CNBD1: variants seen among roughly 807,000 people sequenced by gnomAD.
The protein encoded by CNBD1 is cyclic nucleotide binding domain containing 1.
In CNBD1, 71 loss-of-function variants were observed where a neutral mutation model predicts 54.4. That is an observed-to-expected ratio of 1.30 (90% CI 1.08 to 1.59). The LOEUF (loss-of-function observed/expected upper bound fraction) is 1.59, where lower values mean the gene tolerates loss of function less well. CNBD1 is among the 40% of genes most tolerant of loss of function. CNBD1 has a pLI of 0.00. For missense variants in CNBD1, 659 were observed against 518.0 expected (o/e 1.27, Z -2.64); for synonymous variants, 182 against 170.7 (o/e 1.07, Z -0.51).
Position 87,248,404 on chromosome 8 carries a change from G to A in CNBD1, c.771+11292G>A, listed in dbSNP as rs543425507. On this transcript the variant is annotated intron_variant, in intron 6 of 10. Coordinates refer to ENST00000518476, the MANE Select transcript of CNBD1 (RefSeq NM_173538.3). ...AGTAGTAAAAGACTTCCTAGCTTTAGCAATGCAGTTAGCCACTAAGAATGA... is the reference window on the plus strand; with the variant it reads ...AGTAGTAAAAGACTTCCTAGCTTTAACAATGCAGTTAGCCACTAAGAATGA... Among the ~76,000 whole-genome samples the A allele has an allele frequency of 8.1e-4, 124 of 152,320 alleles. 1 individual carries two copies. The highest frequency in any genetic ancestry group is 2.9e-3 in the African/African-American group (121 of 41,568).
intron 1 of CNBD1, among the ~76,000 whole-genome samples, chr8:86,877,598 A>G (rs533131814): frequency 3.9e-5 from 6 of 152,236 alleles, no homozygotes; most frequent in African/African-American, 1.4e-4. Flanking sequence ...ATAATTCTTT[A>G]TCTTTGAAAT....
At chr8:86,931,784 T>C (rs1809461938) in intron 3 of CNBD1, among the ~76,000 whole-genome samples, 2 of 152,170 alleles carry the variant, frequency 1.3e-5, no homozygotes, top group African/African-American at 4.8e-5. Flanking sequence ...TCTTTTAGGA[T>C]CAATTGACCC....
chr8:87,231,682 A>G (rs1168063404), intron 5 of CNBD1, among the ~76,000 whole-genome samples: 26 of 152,130 alleles, frequency 1.7e-4, no homozygotes, highest in Admixed American at 1.7e-3. Context: ...CTTCCATTTA[A>G]TTGACATATC....
At chr8:86,998,277 A>C (rs776143405) in intron 4 of CNBD1, among the ~76,000 whole-genome samples, 4 of 151,748 alleles carry the variant, frequency 2.6e-5, no homozygotes, top group Non-Finnish European at 1.5e-5. Context: ...ACCATAATTC[A>C]TGCCTGAATT....
chr8:87,298,347 G>A (rs377494814), intron 8 of CNBD1, among the ~76,000 whole-genome samples: 33 of 151,968 alleles, frequency 2.2e-4, no homozygotes, highest in Admixed American at 1.2e-3. Context: ...GGCAAAGCGC[G>A]ATGGAAGACT....
chr8:87,061,935 G>A (rs1356296533), intron 4 of CNBD1, among the ~76,000 whole-genome samples: 2 of 152,188 alleles, frequency 1.3e-5, no homozygotes, highest in African/African-American at 2.4e-5. Context: ...AGCCAATGAA[G>A]TGATCAATGC....
chr8:87,006,326 G>T (rs138440579), intron 4 of CNBD1, among the ~76,000 whole-genome samples: 1 of 152,232 alleles, frequency 6.6e-6, no homozygotes, highest in African/African-American at 2.4e-5. Context: ...GGCATCACTT[G>T]CCCCAATTTC....
Position 87,286,590 on chromosome 8 carries a change from C to T in CNBD1, c.961C>T (p.Pro321Ser), listed in dbSNP as rs769372037. 6.1e-6 allele frequency: 9 copies of T among 1,480,494 alleles called. No individual in the cohort carries two copies. In the South Asian group the frequency reaches 1.1e-4, roughly 18 times the overall value. The allele number at this position is 1,480,494 out of a possible 1,614,324, so 91.7% of individuals were successfully genotyped here. A position where few individuals can be genotyped will look rare whatever the true frequency, so the allele number is the denominator to read the frequency against. The change falls in exon 8 of 11, where the codon CCT becomes TCT. Residue 321 changes from proline (P) to serine (S), a missense_variant. By Grantham distance (74) the Pro-to-Ser change is moderately conservative. Transcript: ENST00000518476. ...AAAGTTGAAATTAATCCGTATGTGT[C>T]CTTATTATGAGGAATGGCCTACTTT... ...MQKLKLIRMC[P>S]YYEEWPTLSI...
At chr8:87,396,493 G>A (rs1202987626) in intron 2 of CNBD1, among the ~76,000 whole-genome samples, 2 of 151,750 alleles carry the variant, frequency 1.3e-5, no homozygotes, top group South Asian at 2.1e-4. Context: ...TACTTCATTG[G>A]TAAGTCTTCC....
intron 6 of CNBD1, among the ~76,000 whole-genome samples, chr8:87,270,872 T>G (rs1034384154): frequency 1.5e-4 from 23 of 151,938 alleles, no homozygotes; most frequent in African/African-American, 5.3e-4. Context: ...AAATTTTTGT[T>G]AGAATACAGC....
intron 3 of CNBD1, among the ~76,000 whole-genome samples, chr8:86,929,979 G>C (rs1054388098): frequency 5.3e-5 from 8 of 152,162 alleles, no homozygotes; most frequent in Admixed American, 4.6e-4. Context: ...GTTTTGTCCT[G>C]TGGGAAGGCT....
intron 6 of CNBD1, among the ~76,000 whole-genome samples, chr8:87,242,358 T>C (rs1485072538): frequency 6.6e-6 from 1 of 152,164 alleles, no homozygotes; most frequent in Non-Finnish European, 1.5e-5. Flanking sequence ...ATATGAAACA[T>C]TTACAATCTA....
rs1473003305 is a variant in CNBD1, at chr8:87,325,678, A to G, written c.1043-26007A>G. On this transcript the variant is annotated intron_variant, in intron 8 of 10. Coordinates refer to ENST00000518476, the MANE Select transcript of CNBD1 (RefSeq NM_173538.3). ...TTGGTAGATCTTCCTCCATCCTTTT[A>G]TTTTGAGCCCATGTGTGTCTCTGCA... Among the ~76,000 whole-genome samples the G allele has an allele frequency of 2.2e-5, 3 of 138,472 alleles. 1 individual carries two copies. Among genetic ancestry groups the G allele is most frequent in the Non-Finnish European group, 4.7e-5 (3 of 64,050 alleles). The allele number at this position is 138,472 out of a possible 152,430, so 90.8% of individuals were successfully genotyped here.
chr8:87,339,698 T>G (rs1053478598), intron 8 of CNBD1, among the ~76,000 whole-genome samples: 2 of 152,102 alleles, frequency 1.3e-5, no homozygotes. Context: ...CCTTTTTTCC[T>G]TTGGTTACTG....
chr8:87,068,824 A>T (rs1810705776), intron 4 of CNBD1, among the ~76,000 whole-genome samples: 1 of 152,008 alleles, frequency 6.6e-6, no homozygotes. Context: ...CTCTCAGCCA[A>T]GAGGGAAGTG....
chr8:86,968,595 C>T (rs1808146834), intron 4 of CNBD1, among the ~76,000 whole-genome samples: 1 of 152,066 alleles, frequency 6.6e-6, no homozygotes, highest in Non-Finnish European at 1.5e-5. Context: ...TTTTGAAGGC[C>T]TCAGTATTCA....
At chr8:87,079,013 T>TC (rs1019970213) in intron 4 of CNBD1, among the ~76,000 whole-genome samples, 3 of 151,560 alleles carry the variant, frequency 2.0e-5, no homozygotes, top group Non-Finnish European at 4.4e-5. Flanking sequence ...AGGCAGTCTA[T>TC]CCCCCCCTTT....
chr8:87,082,110 G>A (rs1811007226), intron 4 of CNBD1, among the ~76,000 whole-genome samples: 1 of 152,060 alleles, frequency 6.6e-6, no homozygotes, highest in Admixed American at 6.5e-5. Context: ...CAGATGACCT[G>A]GAGCAACTGA....
chr8:87,143,043 T>C (rs1341338196), intron 4 of CNBD1, among the ~76,000 whole-genome samples: 1 of 152,162 alleles, frequency 6.6e-6, no homozygotes, highest in Non-Finnish European at 1.5e-5. Flanking sequence ...CACTTACAAG[T>C]CAAACCGTTT....
Sources: gnomAD v4.1 joint callset for allele counts (sites outside exome capture counted in the v4.1 genomes callset) on GRCh38, gnomAD v4.1.1 for gene constraint, MANE v1.5 for transcripts, NCBI Gene and HGNC (gene_info 2026-07-23, HGNC 2026-07-21) for gene names.